DLG3: variants seen among roughly 807,000 people sequenced by gnomAD.
DLG3 encodes disks large homolog 3.
Under a neutral mutation model 64.1 loss-of-function variants are expected in DLG3, and 1 was observed. The ratio of observed to expected loss-of-function variants is 0.02; its 90% CI spans 0.01 to 0.07. The LOEUF (loss-of-function observed/expected upper bound fraction) is 0.07. Ranked by LOEUF, DLG3 falls within the 10% of genes least tolerant of loss-of-function variation. DLG3 has a pLI of 1.00. For synonymous variants in DLG3, 245 were observed against 259.8 expected (o/e 0.94, Z 0.55); for missense variants, 429 against 669.5 (o/e 0.64, Z 3.96).
At chrX:70,497,309 G>T in intron 13 of DLG3, 1 of 932,833 alleles carries the variant, frequency 1.1e-6, no homozygotes, top group Non-Finnish European at 1.6e-6. Context: ...TGCCATTGCT[G>T]CTCAGAGGCT....
At chrX:70,450,352 G>A (rs2086605321) in intron 5 of DLG3, 47 bp downstream of exon 5, 1 of 1,156,094 alleles carries the variant, frequency 8.6e-7, no homozygotes, top group Non-Finnish European at 1.2e-6. Flanking sequence ...GTAGGGAGGA[G>A]GAGCTCCAGT....
chrX:70,489,082 G>A (rs1309527627), intron 10 of DLG3, among the ~76,000 whole-genome samples: 1 of 111,478 alleles, frequency 9.0e-6, no homozygotes, highest in African/African-American at 3.3e-5. Flanking sequence ...TCAAACCAGT[G>A]CTTGATATAT....
At chrX:70,462,666 A>G (rs943489817) in intron 9 of DLG3, among the ~76,000 whole-genome samples, 13 of 111,556 alleles carry the variant, frequency 1.2e-4, no homozygotes, top group African/African-American at 4.2e-4. Context: ...CCTTTTGACT[A>G]TTGTGAACAC....
intron 10 of DLG3, among the ~76,000 whole-genome samples, chrX:70,485,210 A>G (rs1023674618): frequency 3.6e-5 from 4 of 111,623 alleles, no homozygotes; most frequent in Non-Finnish European, 7.5e-5. Flanking sequence ...CCCTGTAGCT[A>G]GGTCTCACCC....
At chrX:70,502,077 T>C (rs1389109128) in intron 18 of DLG3, 86 bp from the exon 19 acceptor site, 19 of 707,761 alleles carry the variant, frequency 2.7e-5, no homozygotes, top group Admixed American at 2.0e-4. Context: ...GGGGGACTTG[T>C]AGGATTGTTG....
chrX:70,475,419 G>A (rs375281239), intron 9 of DLG3, among the ~76,000 whole-genome samples: 14 of 111,033 alleles, frequency 1.3e-4, no homozygotes, highest in African/African-American at 4.3e-4. Flanking sequence ...GTGCAGTGGC[G>A]CGATCTCGGC....
At chrX:70,452,273 C>G in intron 7 of DLG3, 1 of 1,064,021 alleles carries the variant, frequency 9.4e-7, no homozygotes, top group Non-Finnish European at 1.2e-6. Context: ...TCCAAAAGTG[C>G]AGATAAAGAA....
intron 13 of DLG3, among the ~76,000 whole-genome samples, chrX:70,498,081 A>G (rs764209739): frequency 8.9e-6 from 1 of 111,926 alleles, no homozygotes; most frequent in South Asian, 3.8e-4. Flanking sequence ...TTAAAAGGGC[A>G]AAGTTAGGCT....
intron 18 of DLG3, among the ~76,000 whole-genome samples, chrX:70,501,483 A>T (rs1471069974): frequency 9.3e-6 from 1 of 107,477 alleles, no homozygotes; most frequent in Non-Finnish European, 1.9e-5. Context: ...TCTATGTAAT[A>T]CGTTCTTCAC....
intron 10 of DLG3, among the ~76,000 whole-genome samples, chrX:70,481,055 T>C (rs766424325): frequency 3.6e-5 from 4 of 112,178 alleles, no homozygotes; most frequent in Non-Finnish European, 7.5e-5. Context: ...GTAGATGTGG[T>C]TAGGAAAATA....
In DLG3 at chrX:70,503,009, ATTTGGT is replaced by A. The variant is rs1297663317; in HGVS notation, c.*741_*746del. 9.0e-6 allele frequency: 1 copy of A among 110,969 alleles called. No individual in the cohort carries two copies. The highest frequency in any genetic ancestry group is 1.9e-5 in the Non-Finnish European group (1 of 52,973). The allele number at this position is 110,969 out of a possible 1,213,427, so 9.1% of individuals were successfully genotyped here. A position where few individuals can be genotyped will look rare whatever the true frequency, so the allele number is the denominator to read the frequency against. ...CAAGTGCTGCACTAAGGGCACTCGC[ATTTGGT>A]CATTCTCTTGAGAGCTAGGAGGGGT... is the stretch of plus-strand genomic sequence containing the variant. On this transcript the variant is annotated 3_prime_UTR_variant, in exon 19 of 19. Coordinates refer to ENST00000374360, the MANE Select transcript of DLG3 (RefSeq NM_021120.4).
intron 13 of DLG3, among the ~76,000 whole-genome samples, chrX:70,498,046 A>G (rs1338555884): frequency 8.9e-6 from 1 of 111,802 alleles, no homozygotes; most frequent in Non-Finnish European, 1.9e-5. Context: ...GCTGCTTCCA[A>G]TGCAGGAGGT....
At chrX:70,497,209 G>A (rs1160122857) in intron 13 of DLG3, 3 of 1,211,321 alleles carry the variant, frequency 2.5e-6, no homozygotes, top group Admixed American at 4.3e-5. Context: ...CAGTGACAGC[G>A]AAAGCAGTTC....
intron 18 of DLG3, 48 bp from the exon 19 acceptor site, chrX:70,502,115 G>A: frequency 1.0e-6 from 1 of 977,960 alleles, no homozygotes; most frequent in Non-Finnish European, 1.5e-6. Flanking sequence ...GGGTTTGGGG[G>A]ATGTGCTATG....
chrX:70,449,731 C>T lies in DLG3; in HGVS notation c.575C>T (p.Ser192Leu), dbSNP rs751846954. The change falls in exon 4 of 19, where the codon TCG becomes TTG. Residue 192 changes from serine to leucine, a missense_variant. Transcript: ENST00000374360. ...CTGCGGGTGAATGAGGTGGACGTGT[C>T]GGAGGTGGTACACAGCCGGGCGGTG... ...CVLRVNEVDV[S>L]EVVHSRAVEA... is the part of the protein sequence containing the mutation. 2.3e-5 allele frequency: 28 copies of T among 1,210,730 alleles called. No homozygotes were observed. The highest frequency in any genetic ancestry group is 3.0e-5 in the Non-Finnish European group (27 of 895,272).
intron 10 of DLG3, among the ~76,000 whole-genome samples, chrX:70,491,588 T>C (rs989556905): frequency 1.8e-5 from 2 of 112,591 alleles, no homozygotes; most frequent in African/African-American, 6.5e-5. Flanking sequence ...ACTTCTATGG[T>C]CCCATTGGTC....
chrX:70,501,940 C>A (rs182539498), intron 18 of DLG3, among the ~76,000 whole-genome samples: 88 of 110,998 alleles, frequency 7.9e-4, no homozygotes, highest in Admixed American at 4.1e-3. Context: ...GACTTCAAGC[C>A]CTGGACTTGG....
rs757162529 is a variant in DLG3 at position 70,502,379 on chromosome X, CCT to C, written c.*111_*112del. On this transcript the variant is annotated 3_prime_UTR_variant, in exon 19 of 19. Coordinates refer to ENST00000374360, the MANE Select transcript of DLG3 (RefSeq NM_021120.4). ...AGAACAAATGCTACTGTTCTTGTCC[CCT>C]TTTTTAGATATGTCAAAAAAAATTA... 1 of 560,314 alleles carries C rather than the reference CCT, an allele frequency of 1.8e-6. No individual in the cohort carries two copies. The highest frequency in any genetic ancestry group is 2.9e-6 in the Non-Finnish European group (1 of 340,334). The allele number at this position is 560,314 out of a possible 1,213,427, so 46.2% of individuals were successfully genotyped here. A position where few individuals can be genotyped will look rare whatever the true frequency, so the allele number is the denominator to read the frequency against.
chrX:70,471,036 C>G (rs1207402408), intron 9 of DLG3, among the ~76,000 whole-genome samples: 2 of 109,209 alleles, frequency 1.8e-5, no homozygotes, highest in African/African-American at 6.7e-5. Flanking sequence ...TTTTTTTTTA[C>G]ATTTGTTCCT....
Sources: gnomAD v4.1 joint callset for allele counts (sites outside exome capture counted in the v4.1 genomes callset) on GRCh38, gnomAD v4.1.1 for gene constraint, MANE v1.5 for transcripts, NCBI Gene and HGNC (gene_info 2026-07-23, HGNC 2026-07-21) for gene names.